METTL1: variants seen among roughly 807,000 people sequenced by gnomAD.
METTL1 encodes tRNA (guanine-N(7)-)-methyltransferase.
METTL1 carries 14 observed loss-of-function variants against 27.7 expected under a neutral mutation model. The observed-to-expected ratio is 0.51, with a 90% CI of 0.33 to 0.79. METTL1 has a LOEUF of 0.79. METTL1 is among the 30% of genes least tolerant of loss of function. METTL1 has a pLI of 0.02. For synonymous variants in METTL1, 138 were observed against 137.0 expected (o/e 1.01, Z -0.05); for missense variants, 333 against 359.6 (o/e 0.93, Z 0.60).
At chr12:57,770,181 T>C (rs935147356) in intron 2 of METTL1, among the ~76,000 whole-genome samples, 3 of 152,202 alleles carry the variant, frequency 2.0e-5, no homozygotes, top group African/African-American at 4.8e-5. Context: ...ATATTTGCCA[T>C]TGCTTTAGAG....
chr12:57,769,325 TCAAA>T lies in METTL1; in HGVS notation c.649_652del (p.Phe217SerfsTer8). The T allele has an allele frequency of 6.2e-7, 1 of 1,614,124 alleles. No homozygotes were observed. The highest frequency in any genetic ancestry group is 8.5e-7 in the Non-Finnish European group (1 of 1,180,026). On this transcript the variant is annotated frameshift_variant, in exon 5 of 6. Transcript: ENST00000324871. LOFTEE classifies it high-confidence loss of function. Reference sequence around the variant, plus strand: ...CACCAGGTCCTCCAGAGGCACACGCTCAAACAGTGGGTGCTCTTCGAAATGAGTG... The same window carrying T: ...CACCAGGTCCTCCAGAGGCACACGCTCAGTGGGTGCTCTTCGAAATGAGTG...
At chr12:57,769,207 C>T in intron 5 of METTL1, 56 bp from the exon 6 acceptor site, 1 of 1,607,282 alleles carries the variant, frequency 6.2e-7, no homozygotes, top group Non-Finnish European at 8.5e-7. Flanking sequence ...TGCCCCTGGC[C>T]CTTAGACACC....
At chr12:57,771,641 G>T (rs1365736574) in intron 1 of METTL1, 2 of 1,534,548 alleles carry the variant, frequency 1.3e-6, no homozygotes, top group Non-Finnish European at 1.7e-6. Flanking sequence ...GTGCGGGCAG[G>T]ATTGTGTATA....
chr12:57,770,901 T>C, intron 2 of METTL1, 193 bp downstream of exon 2: 1 of 565,918 alleles, frequency 1.8e-6, no homozygotes, highest in Non-Finnish European at 3.0e-6. Context: ...AAGAAGCATT[T>C]GAGGCAGCCC....
Position 57,769,560 on chromosome 12 carries a change from C to A in METTL1, c.573+5G>T. ...CACCCCATCATCCCTCCGATCCCAACTCACCCCAACTCTTAGCACGTAGGC... is the reference window on the plus strand; with the variant it reads ...CACCCCATCATCCCTCCGATCCCAAATCACCCCAACTCTTAGCACGTAGGC... On this transcript the variant is annotated splice_donor_5th_base_variant and intron_variant, in intron 4 of 5. Coordinates refer to ENST00000324871, the MANE Select transcript of METTL1 (RefSeq NM_005371.6). 1 of 1,553,278 alleles carries A rather than the reference C, an allele frequency of 6.4e-7. No homozygotes were observed. Among genetic ancestry groups the A allele is most frequent in the South Asian group, 1.2e-5 (1 of 80,774 alleles).
chr12:57,770,539 G>A (rs1955416898), intron 2 of METTL1: 1 of 159,132 alleles, frequency 6.3e-6, no homozygotes, highest in African/African-American at 2.4e-5. Context: ...GGCAGAACTG[G>A]ACCTTAAACC....
chr12:57,770,166 C>T (rs1955412914), intron 2 of METTL1, among the ~76,000 whole-genome samples: 1 of 152,176 alleles, frequency 6.6e-6, no homozygotes, highest in African/African-American at 2.4e-5. Flanking sequence ...GCTGAGGATA[C>T]ATGTATATTT....
Position 57,769,366 on chromosome 12 carries a change from G to A in METTL1, c.612C>T (p.His204=), listed in dbSNP as rs1177247179. ...VYTITDVLEL[H]DWMCTHFEEH... Reference sequence around the variant, plus strand: ...CTTCGAAATGAGTGCACATCCAGTCGTGTAGCTCCAGCACATCGGTTATGG... The same window carrying A: ...CTTCGAAATGAGTGCACATCCAGTCATGTAGCTCCAGCACATCGGTTATGG... The change falls in exon 5 of 6, where the codon CAC becomes CAT. Residue 204 remains histidine (H), a synonymous_variant. Transcript: ENST00000324871. 4 of 1,614,194 alleles carry A rather than the reference G, an allele frequency of 2.5e-6. No homozygotes were observed. The highest frequency in any genetic ancestry group is 1.7e-5 in the Admixed American group (1 of 60,020).
chr12:57,770,347 C>G (rs1309709206), intron 2 of METTL1, among the ~76,000 whole-genome samples: 1 of 152,206 alleles, frequency 6.6e-6, no homozygotes, highest in Non-Finnish European at 1.5e-5. Context: ...GAGTCTTGCT[C>G]TGTCACCCAG....
chr12:57,772,003 G>A lies in METTL1; in HGVS notation c.81C>T (p.Ser27=). ...QKRYYRQRAH[S]NPMADHTLRY... is the part of the protein sequence containing the mutation. ...GCAGCGTGTGGTCCGCCATGGGGTT[G>A]GAGTGAGCACGTTGCCGGTAGTAGC... The change falls in exon 1 of 6, where the codon TCC becomes TCT. Residue 27 remains serine (S), a synonymous_variant. Transcript: ENST00000324871. This position sits in a 1 kb window ranked among gnomAD's most constrained non-coding sequence, Gnocchi z 4.1. 6.4e-7 allele frequency: 1 copy of A among 1,550,846 alleles called. No individual in the cohort carries two copies.
chr12:57,770,805 T>C lies in METTL1; in HGVS notation c.274+289A>G, dbSNP rs1955419985. ...GGCCACAACGGCTAATCTCTGATGC[T>C]TGTGCTGACCAGCTCACTGACCCGG... On this transcript the variant is annotated intron_variant, in intron 2 of 5. Transcript: ENST00000324871. The C allele has an allele frequency of 6.4e-6, 2 of 310,914 alleles. 1 individual carries two copies. Among genetic ancestry groups the C allele is most frequent in the Admixed American group, 8.4e-5 (2 of 23,878 alleles). The allele number at this position is 310,914 out of a possible 1,614,324, so 19.3% of individuals were successfully genotyped here.
Position 57,769,933 on chromosome 12 carries a change from C to G in METTL1, c.298G>C (p.Asp100His), listed in dbSNP as rs758232216. 1.2e-6 allele frequency: 2 copies of G among 1,610,900 alleles called. No homozygotes were observed. The highest frequency in any genetic ancestry group is 1.3e-5 in the African/African-American group (1 of 74,874). Residue 100 changes from aspartate to histidine, a missense_variant, in exon 3 of 6, where the codon GAC (aspartate) becomes CAC (histidine). Transcript: ENST00000324871. ...ATCTCCAGACCCAGAATAAGTGTGT[C>G]TGGGAACAGCGGTGACAGTTCCACT... is the stretch of plus-strand genomic sequence containing the variant. Reference protein sequence around the residue: ...LLVELSPLFPDTLILGLEIRV... With the variant: ...LLVELSPLFPHTLILGLEIRV...
In METTL1 at chr12:57,769,916, A is replaced by T. The variant is rs753397674; in HGVS notation, c.315T>A (p.Gly105=). 1.6e-5 allele frequency: 26 copies of T among 1,612,830 alleles called. No individual in the cohort carries two copies. The highest frequency in any genetic ancestry group is 4.2e-6 in the Non-Finnish European group (5 of 1,179,492). ...SPLFPDTLIL[G]LEIRVKVSDY... Reference sequence around the variant, plus strand: ...CTGAGACCTTCACCCGGATCTCCAGACCCAGAATAAGTGTGTCTGGGAACA... The same window carrying T: ...CTGAGACCTTCACCCGGATCTCCAGTCCCAGAATAAGTGTGTCTGGGAACA... The change falls in exon 3 of 6, where the codon GGT becomes GGA. Residue 105 remains glycine, a synonymous_variant. Coordinates refer to ENST00000324871, the MANE Select transcript of METTL1 (RefSeq NM_005371.6).
Position 57,769,089 on chromosome 12 carries a change from A to G in METTL1, c.738T>C (p.Arg246=), listed in dbSNP as rs1446342960. Residue 246 remains arginine (R), a synonymous_variant, in exon 6 of 6, where the codon CGT becomes CGC. Transcript: ENST00000324871. ...TGGCTGGGAAATTCTTCCCTCCATT[A>G]CGTAGAACTTTCTTCCCCTCCTCAG... ...TSTEEGKKVL[R]NGGKNFPAIF... The G allele has an allele frequency of 1.9e-6, 3 of 1,611,290 alleles. No homozygotes were observed. The African/African-American group carries it at 4.0e-5, about 22-fold the overall frequency.
chr12:57,770,188 A>G (rs1173283983), intron 2 of METTL1, among the ~76,000 whole-genome samples: 2 of 152,262 alleles, frequency 1.3e-5, no homozygotes, highest in Admixed American at 6.5e-5. Flanking sequence ...CCATTGCTTT[A>G]GAGTTTTCCA....
At position 57,771,410 on chromosome 12, in the gene METTL1, G is replaced by C. The variant is rs1417597403; in HGVS notation, c.111-153C>G. On this transcript the variant is annotated intron_variant, in intron 1 of 5. Coordinates refer to ENST00000324871, the MANE Select transcript of METTL1 (RefSeq NM_005371.6). The stretch of plus-strand genomic sequence containing the variant: ...ACACTGGGCCCTGTGGCCTCTAAGA[G>C]GGACAATGGAAACCACCCTTAACTC... 2.1e-6 allele frequency: 3 copies of C among 1,458,940 alleles called. No homozygotes were observed. In the East Asian group the frequency reaches 7.4e-5, roughly 36 times the overall value. 90.4% of individuals were successfully genotyped at this position (1,458,940 alleles called of 1,614,324 possible).
chr12:57,769,710 G>A (rs1955405075), intron 3 of METTL1, 32 bp from the exon 4 acceptor site: 3 of 1,603,896 alleles, frequency 1.9e-6, no homozygotes, highest in Admixed American at 3.4e-5. Context: ...ACAGGGTTGT[G>A]AGAGCCTGGC....
At chr12:57,770,858 G>A in intron 2 of METTL1, 1 of 451,418 alleles carries the variant, frequency 2.2e-6, no homozygotes, top group Non-Finnish European at 4.0e-6. Flanking sequence ...GGCTCATGTA[G>A]GGATTGACGC....
chr12:57,771,348 G>GT, intron 1 of METTL1, 91 bp from the exon 2 acceptor site: 2 of 670,840 alleles, frequency 3.0e-6, no homozygotes, highest in South Asian at 1.7e-5. Flanking sequence ...GTGAGGGTGG[G>GT]AGGTAAAAGG....
Sources: gnomAD v4.1 joint callset for allele counts (sites outside exome capture counted in the v4.1 genomes callset) on GRCh38, gnomAD v4.1.1 for gene constraint, Gnocchi (gnomAD v3.1) non-coding constraint, MANE v1.5 for transcripts, NCBI Gene and HGNC (gene_info 2026-07-23, HGNC 2026-07-21) for gene names.